FBN1: variants seen among roughly 807,000 people sequenced by gnomAD.
The protein encoded by FBN1 is fibrillin 1, also known as fibrillin-1.
In FBN1, 29 loss-of-function variants were observed where a neutral mutation model predicts 365.1. That is an observed-to-expected ratio of 0.08 (90% CI 0.06 to 0.11). The LOEUF (loss-of-function observed/expected upper bound fraction) is 0.11, where lower values mean the gene tolerates loss of function less well. Among genes scored for constraint, FBN1 ranks in the 10% least tolerant of loss-of-function variants. The pLI is 1.00. For synonymous variants in FBN1, 1,210 were observed against 1,270.5 expected (o/e 0.95, Z 1.01); for missense variants, 2,476 against 3,703.2 (o/e 0.67, Z 8.60).
chr15:48,455,507 G>T (rs920091357), intron 44 of FBN1, among the ~76,000 whole-genome samples: 1 of 152,166 alleles, frequency 6.6e-6, no homozygotes, highest in South Asian at 2.1e-4. Context: ...GGAAAAGTGC[G>T]GCTGTGAGGG....
Position 48,460,249 on chromosome 15 carries a change from C to T in FBN1, c.5293G>A (p.Val1765Ile), listed in dbSNP as rs2043270857. ...TGACAATGCCGTCATGACTCACCAA[C>T]GGGTAAACCGGTATAAATGTCGATG... is the stretch of plus-strand genomic sequence containing the variant. ...FVIDIYTGLP[V>I]DIDECREIPG... The change falls in exon 43 of 66, where the codon GTT becomes ATT. Residue 1765 changes from valine to isoleucine, a missense_variant. This residue lies in a region of FBN1 where 1,780 missense variants were observed against 2,840.8 expected (regional missense o/e 0.63). Transcript: ENST00000316623. The T allele has an allele frequency of 8.1e-6, 13 of 1,612,672 alleles. No homozygotes were observed. Among genetic ancestry groups the T allele is most frequent in the South Asian group, 4.4e-5 (4 of 91,060 alleles).
chr15:48,422,901 T>C (rs2042954041), intron 60 of FBN1, among the ~76,000 whole-genome samples: 1 of 152,096 alleles, frequency 6.6e-6, no homozygotes, highest in African/African-American at 2.4e-5. Flanking sequence ...CACTCCAGCC[T>C]GGGCAACAGA....
intron 6 of FBN1, among the ~76,000 whole-genome samples, chr15:48,542,830 T>TGTGC (rs56151759): frequency 6.9e-6 from 1 of 144,208 alleles, no homozygotes; most frequent in African/African-American, 2.5e-5. Context: ...TGTGTGTGTG[T>TGTGC]ATTTTTTTTC....
intron 2 of FBN1, among the ~76,000 whole-genome samples, chr15:48,638,916 C>G (rs975981406): frequency 6.6e-6 from 1 of 152,210 alleles, no homozygotes; most frequent in East Asian, 1.9e-4. Context: ...TTACCTACCA[C>G]CCTCACACAA....
chr15:48,509,132 C>G (rs990076451), intron 14 of FBN1, among the ~76,000 whole-genome samples: 2 of 152,082 alleles, frequency 1.3e-5, no homozygotes, highest in Non-Finnish European at 2.9e-5. Context: ...TGTATTTAGG[C>G]TACATCCTAA....
chr15:48,525,212 G>A (rs992387877), intron 9 of FBN1, among the ~76,000 whole-genome samples: 2 of 151,608 alleles, frequency 1.3e-5, no homozygotes, highest in Admixed American at 6.6e-5. Context: ...TCAGCCTCCT[G>A]AGTAGCTGGG....
At chr15:48,496,321 G>A (rs2043608829) in intron 19 of FBN1, 96 bp from the exon 20 acceptor site, 30 of 1,517,258 alleles carry the variant, frequency 2.0e-5, no homozygotes, top group Non-Finnish European at 2.5e-5. Flanking sequence ...TCATAACGAC[G>A]TGATCAATTC....
chr15:48,517,418 G>GA (rs1416614993), intron 10 of FBN1, among the ~76,000 whole-genome samples: 1 of 152,198 alleles, frequency 6.6e-6, no homozygotes, highest in Non-Finnish European at 1.5e-5. Flanking sequence ...CATAAGGGAG[G>GA]AGAAACACCA....
chr15:48,492,796 T>C (rs1319863835), intron 23 of FBN1, among the ~76,000 whole-genome samples: 1 of 152,180 alleles, frequency 6.6e-6, no homozygotes. Flanking sequence ...AGTTTCTCCA[T>C]TGGTTTCAGG....
intron 40 of FBN1, among the ~76,000 whole-genome samples, chr15:48,465,355 G>C (rs1338444424): frequency 6.6e-6 from 1 of 152,196 alleles, no homozygotes; most frequent in African/African-American, 2.4e-5. Flanking sequence ...GTTTTTCTCA[G>C]GAAAAGAGGG....
At position 48,549,644 on chromosome 15, in the gene FBN1, G is replaced by T. The variant is rs149884963; in HGVS notation, c.539-11836C>A. ...ATTTATTCCTTTTTGGAAGAAGAAC[G>T]TGTTCTTTCATCAAATTCTTAAAAG... On this transcript the variant is annotated intron_variant, in intron 6 of 65. Transcript: ENST00000316623. Among the ~76,000 whole-genome samples the T allele has an allele frequency of 7.9e-4, 121 of 152,220 alleles. 1 individual carries two copies. The highest frequency in any genetic ancestry group is 1.0e-3 in the South Asian group (5 of 4,830).
chr15:48,427,595 A>T lies in FBN1; in HGVS notation c.7176T>A (p.His2392Gln). 1 of 1,614,210 alleles carries T rather than the reference A, an allele frequency of 6.2e-7. No homozygotes were observed. The highest frequency in any genetic ancestry group is 8.5e-7 in the Non-Finnish European group (1 of 1,180,014). ...GTVAFKKLCP[H>Q]GRGFMTNGAD... Reference sequence around the variant, plus strand: ...CTCCATTGGTCATGAATCCTCGGCCATGGGGACAGAGTTTCTTGAAAGCCA... The same window carrying T: ...CTCCATTGGTCATGAATCCTCGGCCTTGGGGACAGAGTTTCTTGAAAGCCA... The change falls in exon 58 of 66, where the codon CAT becomes CAA. Residue 2392 changes from histidine (H) to glutamine (Q), a missense_variant. Around this residue, in one of 5 missense-constraint regions of FBN1, gnomAD observed 1,780 missense variants for 2,840.8 expected, o/e 0.63. Transcript: ENST00000316623.
In FBN1 at chr15:48,462,051, A is replaced by G. The variant is rs576236128; in HGVS notation, c.5224+1031T>C. On this transcript the variant is annotated intron_variant, in intron 42 of 65. Transcript: ENST00000316623. ...CAGAATTCTAAGTGGTGGTTATTAT[A>G]TTATTTCTGGAGTAAACAATGGATG... Among the ~76,000 whole-genome samples, 4 of 152,298 alleles carry G rather than the reference A, an allele frequency of 2.6e-5. 1 individual carries two copies. The highest frequency in any genetic ancestry group is 9.6e-5 in the African/African-American group (4 of 41,566).
chr15:48,415,304 T>G (rs574223235), intron 64 of FBN1, among the ~76,000 whole-genome samples: 1 of 152,222 alleles, frequency 6.6e-6, no homozygotes, highest in Admixed American at 6.5e-5. Flanking sequence ...AGAAGTCATA[T>G]AGCGAGATAT....
At chr15:48,561,366 T>C (rs1403507107) in intron 6 of FBN1, among the ~76,000 whole-genome samples, 1 of 152,144 alleles carries the variant, frequency 6.6e-6, no homozygotes, top group Non-Finnish European at 1.5e-5. Context: ...CTTTAAACAT[T>C]TATATTATTT....
At chr15:48,513,459 T>C (rs2043776600) in intron 13 of FBN1, 90 bp downstream of exon 13, 4 of 1,584,638 alleles carry the variant, frequency 2.5e-6, no homozygotes, top group Non-Finnish European at 2.6e-6. Context: ...TCTTCCGGCA[T>C]GGGTTATTTA....
At chr15:48,559,503 G>A (rs1230160207) in intron 6 of FBN1, among the ~76,000 whole-genome samples, 2 of 152,104 alleles carry the variant, frequency 1.3e-5, no homozygotes, top group South Asian at 2.1e-4. Context: ...CCTCTGTGAG[G>A]AGCCAGGGTC....
chr15:48,577,225 A>C (rs546281048), intron 6 of FBN1, among the ~76,000 whole-genome samples: 1 of 152,266 alleles, frequency 6.6e-6, no homozygotes, highest in South Asian at 2.1e-4. Context: ...CTCTTAATTC[A>C]TTATTTTCAG....
At chr15:48,547,721 T>TCACACACA (rs57915350) in intron 6 of FBN1, among the ~76,000 whole-genome samples, 89 of 131,218 alleles carry the variant, frequency 6.8e-4, no homozygotes, top group East Asian at 2.3e-3. Flanking sequence ...CTTCTCTCTT[T>TCACACACA]CACACACACA....
Sources: gnomAD v4.1 joint callset for allele counts (sites outside exome capture counted in the v4.1 genomes callset) on GRCh38, gnomAD v4.1.1 for gene constraint, gnomAD v4.1.1 regional missense constraint, MANE v1.5 for transcripts, NCBI Gene and HGNC (gene_info 2026-07-23, HGNC 2026-07-21) for gene names.